Variants in POU6F2 observed in about 807,000 individuals in gnomAD.
POU6F2 encodes the protein POU domain, class 6, transcription factor 2.
A neutral mutation model predicts 71.3 loss-of-function variants in POU6F2; 31 were observed. That is an observed-to-expected ratio of 0.43 (90% CI 0.33 to 0.59). The LOEUF (loss-of-function observed/expected upper bound fraction) is 0.59. Among genes scored for constraint, POU6F2 ranks in the 20% least tolerant of loss-of-function variants. POU6F2 has a pLI of 0.04. For synonymous variants in POU6F2, 347 were observed against 355.7 expected (o/e 0.98, Z 0.27); for missense variants, 783 against 856.8 (o/e 0.91, Z 1.07).
intron 2 of POU6F2, among the ~76,000 whole-genome samples, chr7:39,151,271 G>A (rs1792753432): frequency 6.6e-6 from 1 of 152,208 alleles, no homozygotes; most frequent in Non-Finnish European, 1.5e-5. Flanking sequence ...CAAAGCCAAA[G>A]TAACAGCAGC....
At chr7:39,398,182 G>C (rs182812970) in intron 5 of POU6F2, among the ~76,000 whole-genome samples, 215 of 152,190 alleles carry the variant, frequency 1.4e-3, no homozygotes, top group African/African-American at 4.9e-3. Flanking sequence ...TTTATTGAGG[G>C]CCTACTGGAT....
intron 2 of POU6F2, among the ~76,000 whole-genome samples, chr7:39,092,980 A>G (rs1791385717): frequency 6.6e-6 from 1 of 152,270 alleles, no homozygotes; most frequent in Middle Eastern, 3.4e-3. Flanking sequence ...GCTTCTTAAT[A>G]ATTAGCTTCC....
At chr7:39,343,320 C>T (rs182661554) in intron 5 of POU6F2, among the ~76,000 whole-genome samples, 83 of 151,694 alleles carry the variant, frequency 5.5e-4, no homozygotes, top group African/African-American at 2.0e-3. Context: ...CAGGCTGTGC[C>T]TGAATCTAAA....
intron 1 of POU6F2, among the ~76,000 whole-genome samples, chr7:39,054,676 C>G (rs1012584108): frequency 6.7e-6 from 1 of 149,854 alleles, no homozygotes; most frequent in Middle Eastern, 3.4e-3. Context: ...AACAGACACA[C>G]AAAATTTGAG....
At chr7:39,111,236 GA>G (rs1562710223) in intron 2 of POU6F2, among the ~76,000 whole-genome samples, 1 of 152,142 alleles carries the variant, frequency 6.6e-6, no homozygotes, top group African/African-American at 2.4e-5. Context: ...CCCACAAGGA[GA>G]TGAAGTTTTA....
At chr7:39,365,451 G>A (rs1786481898) in intron 5 of POU6F2, among the ~76,000 whole-genome samples, 2 of 152,090 alleles carry the variant, frequency 1.3e-5, no homozygotes, top group South Asian at 4.1e-4. Flanking sequence ...AGATAACATT[G>A]CAAAAACCCT....
At chr7:39,183,223 G>C (rs964937687) in intron 2 of POU6F2, among the ~76,000 whole-genome samples, 4 of 152,216 alleles carry the variant, frequency 2.6e-5, no homozygotes, top group African/African-American at 9.6e-5. Context: ...TGAGGTGGGA[G>C]AGTGTCATCC....
At chr7:39,284,040 C>G (rs1042830211) in intron 4 of POU6F2, among the ~76,000 whole-genome samples, 1 of 152,142 alleles carries the variant, frequency 6.6e-6, no homozygotes, top group African/African-American at 2.4e-5. Flanking sequence ...AAGGCCAAAC[C>G]TTTCCCCTAC....
chr7:39,204,458 GAA>G, intron 3 of POU6F2, 132 bp downstream of exon 3: 1 of 680,976 alleles, frequency 1.5e-6, no homozygotes, highest in Non-Finnish European at 2.3e-6. Flanking sequence ...ATTTTCGTAT[GAA>G]AAGCTGTATG....
At chr7:39,057,305 T>A (rs897074494) in intron 1 of POU6F2, among the ~76,000 whole-genome samples, 9 of 152,180 alleles carry the variant, frequency 5.9e-5, no homozygotes, top group East Asian at 5.8e-4. Flanking sequence ...TAACAATTTT[T>A]AAAAAAATTC....
chr7:39,400,308 G>A (rs1342687826), intron 5 of POU6F2, among the ~76,000 whole-genome samples: 3 of 152,172 alleles, frequency 2.0e-5, no homozygotes, highest in Admixed American at 6.5e-5. Context: ...CAAGGATGAA[G>A]ACAAAATATA....
chr7:39,318,508 G>T (rs1785318068), intron 4 of POU6F2, among the ~76,000 whole-genome samples: 1 of 152,070 alleles, frequency 6.6e-6, no homozygotes, highest in East Asian at 1.9e-4. Context: ...CTCAACAAAG[G>T]TCCTAGACTC....
At chr7:39,447,674 C>G (rs1273529249) in intron 7 of POU6F2, among the ~76,000 whole-genome samples, 1 of 152,136 alleles carries the variant, frequency 6.6e-6, no homozygotes, top group Non-Finnish European at 1.5e-5. Flanking sequence ...AATAAAACAT[C>G]TGCCTTTATA....
Position 39,311,751 on chromosome 7 carries a change from G to A in POU6F2, c.599-27891G>A, listed in dbSNP as rs116861254. ...GGCTGTGATAGATAGAGACACAAATGACAAGTTGTAAAATAAAGGGACAAA... is the reference window on the plus strand; with the variant it reads ...GGCTGTGATAGATAGAGACACAAATAACAAGTTGTAAAATAAAGGGACAAA... On this transcript the variant is annotated intron_variant, in intron 4 of 9. Coordinates refer to ENST00000518318, the MANE Select transcript of POU6F2 (RefSeq NM_001370959.1). Among the ~76,000 whole-genome samples, 978 of 152,244 alleles carry A rather than the reference G, an allele frequency of 6.4e-3. 5 individuals are homozygous for A. The highest frequency in any genetic ancestry group is 0.011 in the Non-Finnish European group (760 of 68,022).
intron 6 of POU6F2, among the ~76,000 whole-genome samples, chr7:39,431,647 G>A (rs188298480): frequency 2.0e-5 from 3 of 152,180 alleles, no homozygotes; most frequent in Admixed American, 6.5e-5. Context: ...AAGCGAGCAC[G>A]TGGGGTCAGC....
intron 2 of POU6F2, among the ~76,000 whole-genome samples, chr7:39,168,392 ACAG>A (rs1485332358): frequency 6.6e-6 from 1 of 152,236 alleles, no homozygotes; most frequent in Non-Finnish European, 1.5e-5. Flanking sequence ...ATTCTGGAAA[ACAG>A]CTCTGTTTAC....
At chr7:39,273,680 T>G (rs1784380939) in intron 4 of POU6F2, among the ~76,000 whole-genome samples, 1 of 151,866 alleles carries the variant, frequency 6.6e-6, no homozygotes, top group Admixed American at 6.6e-5. Flanking sequence ...TTTCTTGGTT[T>G]GTTTTTTTTT....
At chr7:39,347,391 C>T (rs1231236969) in intron 5 of POU6F2, among the ~76,000 whole-genome samples, 1 of 152,080 alleles carries the variant, frequency 6.6e-6, no homozygotes, top group African/African-American at 2.4e-5. Context: ...ATGTCAGTTT[C>T]GTAGCGTCAT....
At chr7:39,288,151 C>T (rs1052921985) in intron 4 of POU6F2, among the ~76,000 whole-genome samples, 3 of 152,124 alleles carry the variant, frequency 2.0e-5, no homozygotes, top group African/African-American at 7.2e-5. Context: ...ATTGTTTAAT[C>T]TTCTTTCAAT....
Sources: gnomAD v4.1 joint callset for allele counts (sites outside exome capture counted in the v4.1 genomes callset) on GRCh38, gnomAD v4.1.1 for gene constraint, MANE v1.5 for transcripts, NCBI Gene and HGNC (gene_info 2026-07-23, HGNC 2026-07-21) for gene names.